LPCAT2: variants seen among roughly 807,000 people sequenced by gnomAD.
LPCAT2 encodes the protein 1-AGP acyltransferase 11.
A neutral mutation model predicts 64.7 loss-of-function variants in LPCAT2; 58 were observed. That is an observed-to-expected ratio of 0.90 (90% CI 0.73 to 1.12). The LOEUF (loss-of-function observed/expected upper bound fraction) is 1.12. Among genes scored for constraint, LPCAT2 ranks in the 50% most tolerant of loss-of-function variants. The probability of loss-of-function intolerance (pLI) is 0.00; values close to 1 mark genes in which losing one functional copy is unlikely to be tolerated. For missense variants in LPCAT2, 579 were observed against 669.8 expected (o/e 0.86, Z 1.50); for synonymous variants, 252 against 245.3 (o/e 1.03, Z -0.26).
intron 13 of LPCAT2, 78 bp from the exon 14 acceptor site, chr16:55,582,836 T>G (rs1963901457): frequency 3.4e-6 from 3 of 892,406 alleles, no homozygotes; most frequent in Non-Finnish European, 5.2e-6. Context: ...ATTGCATTAT[T>G]AGAGTCATTT....
At position 55,583,295 on chromosome 16, in the gene LPCAT2, C is replaced by A; in HGVS notation, c.*197C>A. The A allele has an allele frequency of 1.9e-6, 1 of 514,796 alleles. No homozygotes were observed. The highest frequency in any genetic ancestry group is 3.4e-6 in the Non-Finnish European group (1 of 291,920). 31.9% of individuals were successfully genotyped at this position (514,796 alleles called of 1,614,324 possible). Reference sequence around the variant, plus strand: ...AAAAAATCAAGCAATATTTCGTTTTCTTTTGTGTTATATTGTACTTTACTG... The same window carrying A: ...AAAAAATCAAGCAATATTTCGTTTTATTTTGTGTTATATTGTACTTTACTG... On this transcript the variant is annotated 3_prime_UTR_variant, in exon 14 of 14. Coordinates refer to ENST00000262134, the MANE Select transcript of LPCAT2 (RefSeq NM_017839.5).
rs1341615646 is a variant in LPCAT2, at chr16:55,586,582, TA to T, written c.*3489del. The stretch of plus-strand genomic sequence containing the variant: ...TAAAATTCTCTGTGAATGTAAATTT[TA>T]AAAACTGTACCTACTGTTTTTTGGA... On this transcript the variant is annotated 3_prime_UTR_variant, in exon 14 of 14. Coordinates refer to ENST00000262134, the MANE Select transcript of LPCAT2 (RefSeq NM_017839.5). 4 of 127,442 alleles carry T rather than the reference TA, an allele frequency of 3.1e-5. No homozygotes were observed. In the East Asian group the frequency reaches 9.6e-4, roughly 31 times the overall value. 7.9% of individuals were successfully genotyped at this position (127,442 alleles called of 1,614,324 possible).
intron 11 of LPCAT2, among the ~76,000 whole-genome samples, chr16:55,551,662 T>A (rs1162045011): frequency 6.6e-6 from 1 of 152,240 alleles, no homozygotes; most frequent in African/African-American, 2.4e-5. Flanking sequence ...GGATACAGTT[T>A]GCTGCTTATG....
At chr16:55,580,858 C>T (rs1289161925) in intron 13 of LPCAT2, among the ~76,000 whole-genome samples, 2 of 122,192 alleles carry the variant, frequency 1.6e-5, no homozygotes, top group African/African-American at 6.3e-5. Flanking sequence ...GTGAACTGCA[C>T]ATGTGAGGGA....
intron 1 of LPCAT2, among the ~76,000 whole-genome samples, chr16:55,523,162 A>G (rs1374332165): frequency 6.6e-6 from 1 of 151,794 alleles, no homozygotes; most frequent in Non-Finnish European, 1.5e-5. Context: ...CACTAATATT[A>G]GAAGTTAAAG....
At chr16:55,564,170 A>G (rs1172946356) in intron 11 of LPCAT2, among the ~76,000 whole-genome samples, 3 of 151,980 alleles carry the variant, frequency 2.0e-5, no homozygotes, top group South Asian at 2.1e-4. Flanking sequence ...TTGTACACTG[A>G]AAACTACAAA....
chr16:55,527,029 A>G (rs1437644922), intron 2 of LPCAT2, among the ~76,000 whole-genome samples: 2 of 152,152 alleles, frequency 1.3e-5, no homozygotes, highest in African/African-American at 4.8e-5. Context: ...ATAAAGGAAT[A>G]CACTTCATAT....
At chr16:55,580,933 T>C (rs147290148) in intron 13 of LPCAT2, among the ~76,000 whole-genome samples, 71 of 152,344 alleles carry the variant, frequency 4.7e-4, no homozygotes, top group African/African-American at 1.5e-3. Context: ...AGTTTCATCC[T>C]GAAACCATCT....
intron 8 of LPCAT2, chr16:55,542,042 C>A: frequency 1.9e-6 from 2 of 1,028,684 alleles, no homozygotes; most frequent in Non-Finnish European, 2.5e-6. Context: ...CTTCAATCTT[C>A]CTCATCATTT....
At chr16:55,536,916 A>T (rs898701305) in intron 7 of LPCAT2, among the ~76,000 whole-genome samples, 1 of 152,174 alleles carries the variant, frequency 6.6e-6, no homozygotes, top group Non-Finnish European at 1.5e-5. Flanking sequence ...AGCTTTTCAG[A>T]TTTCCTCATA....
chr16:55,564,820 G>T (rs1963674409), intron 11 of LPCAT2, among the ~76,000 whole-genome samples: 1 of 151,886 alleles, frequency 6.6e-6, no homozygotes, highest in African/African-American at 2.4e-5. Context: ...AGCACAGGCA[G>T]CCAAAGAAAA....
chr16:55,537,716 T>A, intron 8 of LPCAT2, 84 bp downstream of exon 8: 2 of 1,103,036 alleles, frequency 1.8e-6, no homozygotes, highest in Non-Finnish European at 1.3e-6. Context: ...AGACCAGATA[T>A]AAAGGTCCAT....
At chr16:55,579,012 C>G in intron 12 of LPCAT2, 97 bp from the exon 13 acceptor site, 1 of 1,103,728 alleles carries the variant, frequency 9.1e-7, no homozygotes, top group Non-Finnish European at 1.3e-6. Flanking sequence ...GCCCTTGCCA[C>G]AGTAGATGTT....
intron 1 of LPCAT2, among the ~76,000 whole-genome samples, chr16:55,524,306 G>A (rs565712679): frequency 6.6e-6 from 1 of 152,002 alleles, no homozygotes; most frequent in South Asian, 2.1e-4. Flanking sequence ...GTATTAAGTG[G>A]AAGAATGCAT....
intron 8 of LPCAT2, among the ~76,000 whole-genome samples, chr16:55,542,973 G>A (rs1435849784): frequency 6.6e-6 from 1 of 152,132 alleles, no homozygotes; most frequent in Non-Finnish European, 1.5e-5. Flanking sequence ...GGGGTATATA[G>A]ATGTCTGTTG....
chr16:55,534,619 C>T, intron 7 of LPCAT2, 142 bp downstream of exon 7: 1 of 445,120 alleles, frequency 2.2e-6, no homozygotes. Context: ...GATCAGAGCC[C>T]TAAGTCTTAT....
At position 55,531,913 on chromosome 16, in the gene LPCAT2, G is replaced by T; in HGVS notation, c.643-1G>T. ...ATTAAATCTATTCCTTTTTTCCCAA[G>T]ATACTAGTTTTCCCAGAAGGTACTT... On this transcript the variant is annotated splice_acceptor_variant, in intron 4 of 13. Transcript: ENST00000262134. LOFTEE classifies it high-confidence loss of function. 1 of 1,566,432 alleles carries T rather than the reference G, an allele frequency of 6.4e-7. No individual in the cohort carries two copies. Among genetic ancestry groups the T allele is most frequent in the South Asian group, 1.1e-5 (1 of 89,112 alleles).
At position 55,509,221 on chromosome 16, in the gene LPCAT2, G is replaced by A; in HGVS notation, c.40G>A (p.Val14Met). 6.9e-7 allele frequency: 1 copy of A among 1,448,954 alleles called. No homozygotes were observed. The highest frequency in any genetic ancestry group is 9.1e-7 in the Non-Finnish European group (1 of 1,094,330). The allele number at this position is 1,448,954 out of a possible 1,614,324, so 89.8% of individuals were successfully genotyped here. Residue 14 changes from valine to methionine, a missense_variant, in exon 1 of 14, where the codon GTG becomes ATG. Physicochemically the swap from Val to Met is conservative, Grantham distance 21. Transcript: ENST00000262134. ...CAQAAEVAATVPGAGVGNVGL... is the reference protein window; with the variant it reads ...CAQAAEVAATMPGAGVGNVGL... ...CCAGGCGGCGGAAGTGGCGGCCACA[G>A]TGCCAGGTGCCGGCGTCGGGAACGT...
chr16:55,571,744 A>C (rs1963772769), intron 11 of LPCAT2, among the ~76,000 whole-genome samples: 2 of 152,186 alleles, frequency 1.3e-5, no homozygotes, highest in African/African-American at 4.8e-5. Context: ...AGAATTAAAA[A>C]AATAGTATAT....
Sources: allele counts gnomAD v4.1 joint callset (sites outside exome capture counted in the v4.1 genomes callset), GRCh38; gene constraint gnomAD v4.1.1; transcripts MANE v1.5; gene names NCBI Gene and HGNC (gene_info 2026-07-23, HGNC 2026-07-21).